The following DNAH3 variants were observed in gnomAD, a reference collection of about 807,000 sequenced individuals.
DNAH3 encodes axonemal beta dynein heavy chain 3.
In DNAH3, 332 loss-of-function variants were observed where a neutral mutation model predicts 432.5. The ratio of observed to expected loss-of-function variants is 0.77; its 90% CI spans 0.70 to 0.84. The LOEUF is 0.84. Ranked by LOEUF, DNAH3 falls within the 40% of genes least tolerant of loss-of-function variation. DNAH3 has a pLI of 0.00. For synonymous variants in DNAH3, 1,956 were observed against 1,900.2 expected (o/e 1.03, Z -0.76); for missense variants, 4,861 against 5,114.0 (o/e 0.95, Z 1.51).
chr16:21,051,781 A>C, exon 29 of DNAH3: 4 of 1,614,034 alleles, frequency 2.5e-6, no homozygotes, highest in Non-Finnish European at 3.4e-6. Context: ...ATCCTTGGCC[A>C]CCCAGTAGTA....
intron 44 of DNAH3, among the ~76,000 whole-genome samples, chr16:20,988,532 A>C (rs1339946644): frequency 6.6e-6 from 1 of 152,204 alleles, no homozygotes; most frequent in Non-Finnish European, 1.5e-5. Flanking sequence ...CTCCAGCCTC[A>C]GCCTCCAGAG....
At chr16:21,023,057 T>A (rs2088334797) in intron 39 of DNAH3, among the ~76,000 whole-genome samples, 1 of 152,192 alleles carries the variant, frequency 6.6e-6, no homozygotes, top group Admixed American at 6.6e-5. Flanking sequence ...CTCTTTGTTA[T>A]ACTTTATTTG....
chr16:21,113,692 C>T (rs1258235675), intron 12 of DNAH3, among the ~76,000 whole-genome samples: 1 of 152,152 alleles, frequency 6.6e-6, no homozygotes, highest in African/African-American at 2.4e-5. Context: ...TTCCTGGCCT[C>T]AAGTCATTTG....
intron 29 of DNAH3, among the ~76,000 whole-genome samples, chr16:21,050,966 G>A (rs967260668): frequency 1.3e-5 from 2 of 152,112 alleles, no homozygotes; most frequent in African/African-American, 2.4e-5. Flanking sequence ...GTTAGATTTA[G>A]GGTTTCTTGA....
intron 5 of DNAH3, among the ~76,000 whole-genome samples, chr16:21,137,257 T>C (rs562218032): frequency 2.3e-4 from 33 of 142,656 alleles, no homozygotes; most frequent in Admixed American, 1.2e-3. Context: ...GTTGGATTTC[T>C]GTCTAAAAAA....
intron 4 of DNAH3, 23 bp from the exon 6 acceptor site, chr16:21,140,733 C>T (rs1567863205): frequency 5.6e-6 from 9 of 1,611,658 alleles, no homozygotes; most frequent in Non-Finnish European, 7.6e-6. Context: ...CACAGCTCAG[C>T]CCTTGGTGTT....
intron 44 of DNAH3, among the ~76,000 whole-genome samples, chr16:20,991,029 CAAACAAA>C (rs1015983495): frequency 6.6e-6 from 1 of 151,950 alleles, no homozygotes; most frequent in Non-Finnish European, 1.5e-5. Flanking sequence ...TCAAAACAAA[CAAACAAA>C]AAACAAAACA....
At chr16:21,093,822 A>T (rs372884016) in intron 18 of DNAH3, among the ~76,000 whole-genome samples, 25 of 151,908 alleles carry the variant, frequency 1.6e-4, no homozygotes, top group African/African-American at 3.1e-4. Flanking sequence ...GTGGATAAAA[A>T]TTTTTTTTTC....
At chr16:20,936,222 G>A (rs935370465) in intron 60 of DNAH3, among the ~76,000 whole-genome samples, 16 of 151,594 alleles carry the variant, frequency 1.1e-4, no homozygotes, top group African/African-American at 2.2e-4. Flanking sequence ...GCGTGATCTC[G>A]GCTCACTGCA....
chr16:20,947,483 T>C (rs1166546816), intron 57 of DNAH3, among the ~76,000 whole-genome samples: 1 of 152,198 alleles, frequency 6.6e-6, no homozygotes, highest in East Asian at 1.9e-4. Context: ...TGGTCAGTTC[T>C]TGAGGCTGGG....
At chr16:20,961,336 G>A (rs1322376840) in intron 53 of DNAH3, among the ~76,000 whole-genome samples, 3 of 151,870 alleles carry the variant, frequency 2.0e-5, no homozygotes, top group Non-Finnish European at 4.4e-5. Context: ...CACACACCAG[G>A]GCCTGTCGTG....
At chr16:21,084,414 C>T (rs2091295874) in intron 19 of DNAH3, among the ~76,000 whole-genome samples, 1 of 152,056 alleles carries the variant, frequency 6.6e-6, no homozygotes, top group Non-Finnish European at 1.5e-5. Context: ...CCTCAACCTC[C>T]CAGGCTCAAG....
intron 18 of DNAH3, among the ~76,000 whole-genome samples, chr16:21,087,401 T>C (rs2091413024): frequency 6.6e-6 from 1 of 152,192 alleles, no homozygotes. Context: ...GTTTTGTTTT[T>C]GACCAGTTGC....
chr16:21,002,272 C>T (rs1367967789), intron 42 of DNAH3, among the ~76,000 whole-genome samples: 2 of 151,976 alleles, frequency 1.3e-5, no homozygotes, highest in African/African-American at 4.8e-5. Context: ...AAAAATGTTC[C>T]ACAAGGATTG....
At chr16:21,011,523 AT>A in intron 41 of DNAH3, among the ~76,000 whole-genome samples, 1 of 151,950 alleles carries the variant, frequency 6.6e-6, no homozygotes, top group East Asian at 1.9e-4. Context: ...TGGCTGGCTA[AT>A]TTTTCTTTGT....
At chr16:20,983,232 TCTC>T (rs1312041771) in intron 48 of DNAH3, among the ~76,000 whole-genome samples, 1 of 152,180 alleles carries the variant, frequency 6.6e-6, no homozygotes, top group Non-Finnish European at 1.5e-5. Context: ...TTCAAGCTAT[TCTC>T]CTGCCTCAGC....
At chr16:21,141,451 G>A (rs1256806013) in intron 3 of DNAH3, 79 bp from the exon 5 acceptor site, 16 of 1,078,624 alleles carry the variant, frequency 1.5e-5, no homozygotes, top group Admixed American at 4.1e-5. Flanking sequence ...CATGACTCTC[G>A]GAACAGTCCA....
At chr16:21,063,163 C>T (rs1181986263) in intron 24 of DNAH3, among the ~76,000 whole-genome samples, 1 of 152,198 alleles carries the variant, frequency 6.6e-6, no homozygotes, top group African/African-American at 2.4e-5. Context: ...CAATTCTCAG[C>T]TTTGGCTGCA....
rs560719537 is a variant in DNAH3 at position 21,125,772 on chromosome 16, G to A, written c.1209-402C>T. On this transcript the variant is annotated intron_variant, in intron 8 of 61. Transcript: ENST00000261383. The stretch of plus-strand genomic sequence containing the variant: ...TTCATAGGGGGAAAGAGAGAATGAG[G>A]AGCAAAGAAAGAAAACATGAAAGGA... Among the ~76,000 whole-genome samples the A allele has an allele frequency of 5.3e-5, 8 of 152,240 alleles. No homozygotes were observed. The South Asian group carries it at 1.2e-3, about 24-fold the overall frequency.
Sources: gnomAD v4.1 joint callset for allele counts (sites outside exome capture counted in the v4.1 genomes callset) on GRCh38, gnomAD v4.1.1 for gene constraint, MANE v1.5 for transcripts, NCBI Gene and HGNC (gene_info 2026-07-23, HGNC 2026-07-21) for gene names.